CACNA1A: variants seen among roughly 807,000 people sequenced by gnomAD.
CACNA1A encodes the protein voltage-dependent P/Q-type calcium channel subunit alpha-1A.
Under a neutral mutation model 262.4 loss-of-function variants are expected in CACNA1A, and 57 were observed. The observed-to-expected ratio is 0.22, with a 90% CI of 0.18 to 0.27. The LOEUF is 0.27. CACNA1A is among the 10% of genes least tolerant of loss of function. CACNA1A has a pLI of 1.00. For synonymous variants in CACNA1A, 1,431 were observed against 1,419.3 expected, an observed-to-expected ratio of 1.01 and a Z score of -0.18; for missense variants, 2,526 against 3,562.8, an observed-to-expected ratio of 0.71 and a Z score of 7.41.
At chr19:13,381,746 A>G (rs1397497077) in intron 3 of CACNA1A, among the ~76,000 whole-genome samples, 1 of 152,184 alleles carries the variant, frequency 6.6e-6, no homozygotes, top group East Asian at 1.9e-4. Flanking sequence ...TGGACCGTGC[A>G]TTTAATAGCT....
chr19:13,294,595 C>A (rs1195287963), intron 19 of CACNA1A, among the ~76,000 whole-genome samples: 1 of 146,264 alleles, frequency 6.8e-6, no homozygotes, highest in Non-Finnish European at 1.5e-5. Context: ...CAGGACAATT[C>A]TTGTGCCTCA....
intron 46 of CACNA1A, 65 bp from the exon 47 acceptor site, chr19:13,208,118 G>A (rs2054635538): frequency 5.1e-6 from 5 of 974,226 alleles, no homozygotes; most frequent in Admixed American, 6.2e-5. Flanking sequence ...GGAGACACGG[G>A]ATTGGGAGGA....
Position 13,286,976 on chromosome 19 carries a change from G to T in CACNA1A, c.3090-10C>A. Reference sequence around the variant, plus strand: ...GGAGCCCTGGTTCTCTCTGAGGAAGGCAAGTGAATGAAAAAGAACCAACAA... The same window carrying T: ...GGAGCCCTGGTTCTCTCTGAGGAAGTCAAGTGAATGAAAAAGAACCAACAA... On this transcript the variant is annotated splice_polypyrimidine_tract_variant and intron_variant, in intron 19 of 46. Transcript: ENST00000360228. 1 of 1,561,128 alleles carries T rather than the reference G, an allele frequency of 6.4e-7. No individual in the cohort carries two copies. Among genetic ancestry groups the T allele is most frequent in the African/African-American group, 1.4e-5 (1 of 73,134 alleles).
chr19:13,211,486 CCA>C (rs1484589630), intron 43 of CACNA1A: 1 of 153,508 alleles, frequency 6.5e-6, no homozygotes, highest in Non-Finnish European at 1.5e-5. Flanking sequence ...CCAATGACTC[CCA>C]CAGAGACCAG....
chr19:13,320,237 C>CGAGA (rs146095824), intron 10 of CACNA1A, among the ~76,000 whole-genome samples: 2,577 of 127,184 alleles, frequency 0.02, 57 homozygotes, highest in African/African-American at 0.043. Context: ...TTCCACAGAT[C>CGAGA]GAGAGAGAGA....
At chr19:13,410,938 A>T (rs1036606485) in intron 3 of CACNA1A, among the ~76,000 whole-genome samples, 22 of 152,040 alleles carry the variant, frequency 1.4e-4, no homozygotes, top group Non-Finnish European at 2.9e-4. Flanking sequence ...AATGATGGAG[A>T]GTAAGCCCTG....
chr19:13,501,326 A>G (rs1017013377), intron 1 of CACNA1A, among the ~76,000 whole-genome samples: 1 of 151,710 alleles, frequency 6.6e-6, no homozygotes, highest in African/African-American at 2.4e-5. Flanking sequence ...TAGACGCACA[A>G]TACCACGCCT....
intron 3 of CACNA1A, among the ~76,000 whole-genome samples, chr19:13,385,213 T>C: frequency 6.6e-6 from 1 of 151,742 alleles, no homozygotes; most frequent in Non-Finnish European, 1.5e-5. Context: ...AGGGCAGATA[T>C]TTTCTATTCT....
intron 27 of CACNA1A, chr19:13,258,017 G>C (rs546697314): frequency 1.0e-4 from 16 of 154,934 alleles, no homozygotes; most frequent in Admixed American, 7.6e-4. Context: ...TGAGATTACA[G>C]GTGTGAGCCA....
At chr19:13,288,674 C>A (rs1176896441) in intron 19 of CACNA1A, among the ~76,000 whole-genome samples, 1 of 152,164 alleles carries the variant, frequency 6.6e-6, no homozygotes, top group Non-Finnish European at 1.5e-5. Flanking sequence ...CTGCCTCTTG[C>A]CATCTACAGG....
chr19:13,457,763 G>A (rs1459749373), intron 1 of CACNA1A, among the ~76,000 whole-genome samples: 1 of 151,854 alleles, frequency 6.6e-6, no homozygotes, highest in Non-Finnish European at 1.5e-5. Context: ...TGAGGCAGGA[G>A]GATTGCTTGA....
At chr19:13,437,517 C>G (rs1351636288) in intron 3 of CACNA1A, among the ~76,000 whole-genome samples, 1 of 151,788 alleles carries the variant, frequency 6.6e-6, no homozygotes, top group Non-Finnish European at 1.5e-5. Flanking sequence ...ATGGCGAAAC[C>G]CTGTCTCTAC....
At position 13,235,220 on chromosome 19, in the gene CACNA1A, T is replaced by C; in HGVS notation, c.5122A>G (p.Ile1708Val). 1.2e-6 allele frequency: 2 copies of C among 1,605,938 alleles called. No homozygotes were observed. The highest frequency in any genetic ancestry group is 1.7e-6 in the Non-Finnish European group (2 of 1,176,168). ...GACACGACACTCACCTGCATCCCAA[T>C]GATGGCATAGATGAAGAAGAGCATG... ...IAMLFFIYAI[I>V]GMQVFGNIGI... The change falls in exon 33 of 47, where the codon ATT becomes GTT. Residue 1708 changes from isoleucine (I) to valine (V), a missense_variant. Coordinates refer to ENST00000360228, the MANE Select transcript of CACNA1A (RefSeq NM_001127222.2).
intron 15 of CACNA1A, 88 bp downstream of exon 15, chr19:13,307,694 G>A: frequency 9.3e-7 from 1 of 1,069,670 alleles, no homozygotes; most frequent in Non-Finnish European, 1.4e-6. Flanking sequence ...AGAAGGAGGA[G>A]TTCAGGGAAG....
In CACNA1A at chr19:13,294,646, C is replaced by T. The variant is rs558593429; in HGVS notation, c.3089+3898G>A. Among the ~76,000 whole-genome samples, 10 of 152,010 alleles carry T rather than the reference C, an allele frequency of 6.6e-5. No individual in the cohort carries two copies. The South Asian group carries it at 1.3e-3, about 19-fold the overall frequency. On this transcript the variant is annotated intron_variant, in intron 19 of 46. Coordinates refer to ENST00000360228, the MANE Select transcript of CACNA1A (RefSeq NM_001127222.2). ...GGGATTATAGGCGTCCACCACCACG[C>T]CTGGCTAATTTTTTGTATTTTTAGT...
chr19:13,482,768 A>T (rs954194062), intron 1 of CACNA1A, among the ~76,000 whole-genome samples: 1 of 151,624 alleles, frequency 6.6e-6, no homozygotes, highest in African/African-American at 2.4e-5. Flanking sequence ...GCTTTGGACA[A>T]TGGGGGACAT....
chr19:13,350,829 C>A lies in CACNA1A; in HGVS notation c.978+8777G>T, dbSNP rs576528127. Among the ~76,000 whole-genome samples the A allele has an allele frequency of 2.3e-4, 35 of 152,238 alleles. No homozygotes were observed. In the South Asian group the frequency reaches 6.2e-3, roughly 27 times the overall value. ...GGACAGCGTGGGCAATGTGTGAGAACATGTCTCTACCAAAAAAATACAATT... is the reference window on the plus strand; with the variant it reads ...GGACAGCGTGGGCAATGTGTGAGAAAATGTCTCTACCAAAAAAATACAATT... On this transcript the variant is annotated intron_variant, in intron 6 of 46. Coordinates refer to ENST00000360228, the MANE Select transcript of CACNA1A (RefSeq NM_001127222.2).
chr19:13,502,175 A>G, intron 1 of CACNA1A, among the ~76,000 whole-genome samples: 1 of 149,944 alleles, frequency 6.7e-6, no homozygotes, highest in East Asian at 1.9e-4. Context: ...AAAAAAAAAA[A>G]AAAAATGAGA....
At chr19:13,481,061 GT>G (rs1488120760) in intron 1 of CACNA1A, among the ~76,000 whole-genome samples, 7 of 152,060 alleles carry the variant, frequency 4.6e-5, no homozygotes, top group Non-Finnish European at 1.0e-4. Flanking sequence ...TTCTCTTTTT[GT>G]TACACGGGAT....
Sources: allele counts gnomAD v4.1 joint callset (sites outside exome capture counted in the v4.1 genomes callset), GRCh38; gene constraint gnomAD v4.1.1; transcripts MANE v1.5; gene names NCBI Gene and HGNC (gene_info 2026-07-23, HGNC 2026-07-21).